The following SPEN variants were observed in gnomAD, a reference collection of about 807,000 sequenced individuals.
SPEN encodes msx2-interacting protein.
SPEN carries 18 observed loss-of-function variants against 269.9 expected under a neutral mutation model. The ratio of observed to expected loss-of-function variants is 0.07; its 90% CI spans 0.05 to 0.10. The LOEUF is 0.10. Ranked by LOEUF, SPEN falls within the 10% of genes least tolerant of loss-of-function variation. SPEN has a pLI of 1.00. For missense variants in SPEN, 3,822 were observed against 4,631.2 expected, an observed-to-expected ratio of 0.83 and a Z score of 5.07; for synonymous variants, 1,726 against 1,765.7, an observed-to-expected ratio of 0.98 and a Z score of 0.56.
Position 15,873,635 on chromosome 1 carries a change from C to G in SPEN, c.404+499C>G, listed in dbSNP as rs1022922412. 8 of 994,800 alleles carry G rather than the reference C, an allele frequency of 8.0e-6. No homozygotes were observed. In the Admixed American group the frequency reaches 2.2e-4, roughly 27 times the overall value. The allele number at this position is 994,800 out of a possible 1,614,324, so 61.6% of individuals were successfully genotyped here. ...AAAAATCTGGCAGACCATAATGATT[C>G]AACCACTTGGATTCTACAAACAATA... On this transcript the variant is annotated intron_variant, in intron 2 of 14. Coordinates refer to ENST00000375759, the MANE Select transcript of SPEN (RefSeq NM_015001.3).
intron 3 of SPEN, among the ~76,000 whole-genome samples, chr1:15,906,110 A>G (rs1200370731): frequency 1.3e-5 from 2 of 152,198 alleles, no homozygotes; most frequent in Non-Finnish European, 2.9e-5. Context: ...TACTTGGAGT[A>G]TTTAACATGT....
At chr1:15,856,601 T>G (rs1249018317) in intron 1 of SPEN, among the ~76,000 whole-genome samples, 2 of 146,646 alleles carry the variant, frequency 1.4e-5, no homozygotes, top group Non-Finnish European at 3.0e-5. Context: ...AGAGTCTTGC[T>G]GTGTCACCCA....
At chr1:15,884,425 C>T (rs1182277468) in intron 3 of SPEN, among the ~76,000 whole-genome samples, 1 of 152,006 alleles carries the variant, frequency 6.6e-6, no homozygotes, top group Non-Finnish European at 1.5e-5. Flanking sequence ...TTCAAAAATG[C>T]TGTCATTTTT....
At chr1:15,910,822 C>A (rs537667182) in intron 4 of SPEN, among the ~76,000 whole-genome samples, 1 of 151,878 alleles carries the variant, frequency 6.6e-6, no homozygotes, top group Non-Finnish European at 1.5e-5. Context: ...ATCTCGAAAC[C>A]GTGTTTTTAG....
Position 15,935,003 on chromosome 1 carries a change from G to A in SPEN, c.8763G>A (p.Thr2921=), listed in dbSNP as rs756480556. The change falls in exon 11 of 15, where the codon ACG becomes ACA. Residue 2921 remains threonine (T), a synonymous_variant. Coordinates refer to ENST00000375759, the MANE Select transcript of SPEN (RefSeq NM_015001.3). The surrounding 1 kb of genome is among the most constrained non-coding windows in gnomAD (Gnocchi z 7.7). The part of the protein sequence containing the change: ...KPEPIHLSVS[T]PVTQGGTVKV... ...AGCCCATTCACCTCTCGGTGTCCACGCCTGTCACCCAGGGAGGCACAGTGA... is the reference window on the plus strand; with the variant it reads ...AGCCCATTCACCTCTCGGTGTCCACACCTGTCACCCAGGGAGGCACAGTGA... 17 of 1,613,400 alleles carry A rather than the reference G, an allele frequency of 1.1e-5. No homozygotes were observed. In the Admixed American group the frequency reaches 1.3e-4, roughly 13 times the overall value.
intron 3 of SPEN, among the ~76,000 whole-genome samples, chr1:15,909,111 G>A (rs982908006): frequency 5.9e-5 from 9 of 152,106 alleles, no homozygotes; most frequent in African/African-American, 2.2e-4. Flanking sequence ...GTATGTGGTG[G>A]TAAATGAAGA....
intron 5 of SPEN, among the ~76,000 whole-genome samples, chr1:15,913,617 C>T (rs981049211): frequency 6.6e-6 from 1 of 151,738 alleles, no homozygotes; most frequent in Non-Finnish European, 1.5e-5. Flanking sequence ...AGCCACCATG[C>T]CTGACCAAGC....
chr1:15,935,316 C>G lies in SPEN; in HGVS notation c.9076C>G (p.Pro3026Ala). Residue 3026 changes from proline (P) to alanine (A), a missense_variant, in exon 11 of 15, where the codon CCT (proline) becomes GCT (alanine). Physicochemically the swap from Pro to Ala is conservative, Grantham distance 27 (BLOSUM62 -1). Coordinates refer to ENST00000375759, the MANE Select transcript of SPEN (RefSeq NM_015001.3). This position sits in a 1 kb window ranked among gnomAD's most constrained non-coding sequence, Gnocchi z 7.7. ...AGCTGCAAAGCTAGATGCTCATTCT[C>G]CTCGACCAAGTGGACCCGGGCCATC... ...LAAAKLDAHS[P>A]RPSGPGPSSF... The G allele has an allele frequency of 6.2e-7, 1 of 1,614,156 alleles. No individual in the cohort carries two copies. Among genetic ancestry groups the G allele is most frequent in the Non-Finnish European group, 8.5e-7 (1 of 1,180,030 alleles).
chr1:15,873,244 T>C (rs2070599732), intron 2 of SPEN, 108 bp downstream of exon 2: 6 of 1,422,642 alleles, frequency 4.2e-6, no homozygotes, highest in Non-Finnish European at 5.5e-6. Flanking sequence ...GCATTCTCAA[T>C]GTTTCCTATT....
intron 3 of SPEN, 26 bp downstream of exon 3, chr1:15,876,704 CAG>C: frequency 6.5e-7 from 1 of 1,526,846 alleles, no homozygotes; most frequent in Non-Finnish European, 9.0e-7. Context: ...TTTGTTATAA[CAG>C]ATGAGCTAGC....
intron 3 of SPEN, among the ~76,000 whole-genome samples, chr1:15,901,443 C>T (rs1327116652): frequency 1.3e-5 from 2 of 151,532 alleles, no homozygotes; most frequent in Non-Finnish European, 2.9e-5. Flanking sequence ...TCGAGACCAC[C>T]CTAGACAACA....
chr1:15,901,649 CAAA>C (rs113563212), intron 3 of SPEN, among the ~76,000 whole-genome samples: 5 of 52,822 alleles, frequency 9.5e-5, no homozygotes, highest in Non-Finnish European at 1.3e-4. Context: ...GACTCCATCT[CAAA>C]AAAAAAAAAA....
rs1390337460 is a variant in SPEN at position 15,872,990 on chromosome 1, T to C, written c.258T>C (p.Ser86=). 7 of 1,613,888 alleles carry C rather than the reference T, an allele frequency of 4.3e-6. No individual in the cohort carries two copies. Among genetic ancestry groups the C allele is most frequent in the Non-Finnish European group, 5.9e-6 (7 of 1,180,024 alleles). Residue 86 remains serine (S), a synonymous_variant, in exon 2 of 15, where the codon AGT becomes AGC. Coordinates refer to ENST00000375759, the MANE Select transcript of SPEN (RefSeq NM_015001.3). ...TDYNEPGTIP[S]AARGLDDTVS... ...ATAATGAACCAGGCACCATCCCGAG[T>C]GCTGCTCGGGGATTGGATGATACAG...
chr1:15,917,862 T>G (rs1389942846), intron 6 of SPEN: 1 of 152,894 alleles, frequency 6.5e-6, no homozygotes, highest in Non-Finnish European at 1.5e-5. Flanking sequence ...TTACAGATTC[T>G]TGGCCAGAAA....
intron 5 of SPEN, among the ~76,000 whole-genome samples, chr1:15,914,511 A>C (rs1038774278): frequency 1.3e-5 from 2 of 152,188 alleles, no homozygotes; most frequent in African/African-American, 2.4e-5. Flanking sequence ...ATTAGAAATT[A>C]AGCCATTGCT....
chr1:15,933,540 C>T lies in SPEN; in HGVS notation c.7300C>T (p.Pro2434Ser). Reference sequence around the variant, plus strand: ...ATCTGTGCCCCCAGACCTTCCCCCACCTCCCCAGCCAGCACCGGTGGATGA... The same window carrying T: ...ATCTGTGCCCCCAGACCTTCCCCCATCTCCCCAGCCAGCACCGGTGGATGA... ...KASVPPDLPP[P>S]PQPAPVDEEP... is the part of the protein sequence containing the mutation. The change falls in exon 11 of 15, where the codon CCT (proline) becomes TCT (serine). Residue 2434 changes from proline to serine, a missense_variant. Physicochemically the swap from Pro to Ser is moderately conservative, Grantham distance 74 (BLOSUM62 -1). Transcript: ENST00000375759. The surrounding 1 kb of genome is among the most constrained non-coding windows in gnomAD (Gnocchi z 5.7). The T allele has an allele frequency of 6.2e-7, 1 of 1,614,054 alleles. No individual in the cohort carries two copies. Among genetic ancestry groups the T allele is most frequent in the South Asian group, 1.1e-5 (1 of 91,070 alleles).
intron 1 of SPEN, among the ~76,000 whole-genome samples, chr1:15,859,123 G>T (rs1380623179): frequency 6.9e-6 from 1 of 144,948 alleles, no homozygotes. Context: ...TTATATTGCA[G>T]TCGGTTTTCT....
intron 1 of SPEN, among the ~76,000 whole-genome samples, chr1:15,858,383 A>C (rs529556597): frequency 6.6e-6 from 1 of 152,134 alleles, no homozygotes; most frequent in South Asian, 2.1e-4. Flanking sequence ...TTCCACTCTA[A>C]ATTCTCTAGT....
intron 1 of SPEN, among the ~76,000 whole-genome samples, chr1:15,860,442 AGT>A (rs71574142): frequency 0.27 from 32,504 of 119,622 alleles, 4,590 homozygotes; most frequent in Admixed American, 0.36. Flanking sequence ...GTCCCACTGT[AGT>A]GTGTGTGTGT....
Sources: allele counts gnomAD v4.1 joint callset (sites outside exome capture counted in the v4.1 genomes callset), GRCh38; gene constraint gnomAD v4.1.1; non-coding constraint Gnocchi (gnomAD v3.1); transcripts MANE v1.5; gene names NCBI Gene and HGNC (gene_info 2026-07-23, HGNC 2026-07-21).